The following PTPRD variants were observed in gnomAD, a reference collection of about 807,000 sequenced individuals.
PTPRD encodes receptor-type tyrosine-protein phosphatase delta.
In PTPRD, 34 loss-of-function variants were observed where a neutral mutation model predicts 214.5. The ratio of observed to expected loss-of-function variants is 0.16; its 90% CI spans 0.12 to 0.21. The LOEUF (loss-of-function observed/expected upper bound fraction) is 0.21. PTPRD is among the 10% of genes least tolerant of loss of function. The pLI is 1.00. For synonymous variants in PTPRD, 1,128 were observed against 845.7 expected (o/e 1.33, Z -5.79); for missense variants, 2,545 against 2,398.7 (o/e 1.06, Z -1.27).
chr9:9,063,157 G>C (rs926346145), intron 10 of PTPRD, among the ~76,000 whole-genome samples: 3 of 152,052 alleles, frequency 2.0e-5, no homozygotes, highest in African/African-American at 7.2e-5. Flanking sequence ...CTCTACTTCA[G>C]ACTAGCATTG....
intron 2 of PTPRD, among the ~76,000 whole-genome samples, chr9:10,371,621 C>T (rs1382156831): frequency 6.6e-6 from 1 of 151,936 alleles, no homozygotes; most frequent in Non-Finnish European, 1.5e-5. Context: ...TTCCCTTAAC[C>T]CAACTCTCCC....
intron 44 of PTPRD, among the ~76,000 whole-genome samples, chr9:8,327,830 T>C (rs1035328203): frequency 6.6e-6 from 1 of 152,188 alleles, no homozygotes; most frequent in African/African-American, 2.4e-5. Flanking sequence ...GAGACTAGGA[T>C]TGTATCCCCT....
intron 3 of PTPRD, among the ~76,000 whole-genome samples, chr9:10,314,696 G>A (rs1164163584): frequency 6.6e-6 from 1 of 151,856 alleles, no homozygotes. Flanking sequence ...ATAATCATGA[G>A]TATACATCAT....
intron 8 of PTPRD, among the ~76,000 whole-genome samples, chr9:9,439,030 G>A (rs978261798): frequency 1.3e-5 from 2 of 152,040 alleles, no homozygotes; most frequent in African/African-American, 2.4e-5. Context: ...TAATATTTCT[G>A]TGCAATGTTC....
chr9:9,381,714 GTTTTTT>G (rs34478942), intron 9 of PTPRD, among the ~76,000 whole-genome samples: 35,482 of 148,580 alleles, frequency 0.24, 4,224 homozygotes, highest in Middle Eastern at 0.38. Flanking sequence ...TTTTGTTTTT[GTTTTTT>G]TTTGTTTGTT....
chr9:10,138,643 C>G (rs770674216), intron 3 of PTPRD, among the ~76,000 whole-genome samples: 38 of 151,898 alleles, frequency 2.5e-4, no homozygotes, highest in Admixed American at 6.6e-4. Context: ...ATAGACAAAA[C>G]AATCCTTGAC....
intron 5 of PTPRD, among the ~76,000 whole-genome samples, chr9:9,931,106 T>C (rs2086332383): frequency 6.6e-6 from 1 of 152,198 alleles, no homozygotes; most frequent in South Asian, 2.1e-4. Context: ...CCTATTTTTA[T>C]GAAACAATTT....
intron 5 of PTPRD, among the ~76,000 whole-genome samples, chr9:9,804,907 TTA>T (rs973844734): frequency 5.9e-5 from 9 of 151,866 alleles, no homozygotes; most frequent in African/African-American, 2.2e-4. Flanking sequence ...TATTATAATT[TTA>T]TATGATTGTT....
At chr9:10,361,075 C>G (rs1795969468) in intron 2 of PTPRD, among the ~76,000 whole-genome samples, 1 of 152,074 alleles carries the variant, frequency 6.6e-6, no homozygotes, top group Admixed American at 6.6e-5. Flanking sequence ...GCACTCCAGC[C>G]TGGGCGACAG....
chr9:8,644,185 C>T (rs1595936445), intron 12 of PTPRD, among the ~76,000 whole-genome samples: 1 of 151,982 alleles, frequency 6.6e-6, no homozygotes, highest in South Asian at 2.1e-4. Flanking sequence ...CTGATGAGAA[C>T]TGAGGACTTG....
At chr9:10,118,254 A>G (rs187716685) in intron 3 of PTPRD, among the ~76,000 whole-genome samples, 1 of 151,570 alleles carries the variant, frequency 6.6e-6, no homozygotes, top group African/African-American at 2.4e-5. Flanking sequence ...ATTATCTTAT[A>G]TCTATCTATA....
intron 5 of PTPRD, among the ~76,000 whole-genome samples, chr9:9,922,564 G>C (rs1276020701): frequency 6.6e-6 from 1 of 151,942 alleles, no homozygotes; most frequent in Non-Finnish European, 1.5e-5. Flanking sequence ...CTGAAATAGA[G>C]ATAATGTCTA....
chr9:10,497,643 C>T (rs979827335), intron 2 of PTPRD, among the ~76,000 whole-genome samples: 2 of 151,510 alleles, frequency 1.3e-5, no homozygotes, highest in East Asian at 1.9e-4. Context: ...AATGCAATGG[C>T]GGATATGCTA....
At chr9:9,880,969 T>C (rs1004041733) in intron 5 of PTPRD, among the ~76,000 whole-genome samples, 5 of 152,156 alleles carry the variant, frequency 3.3e-5, no homozygotes, top group Non-Finnish European at 2.9e-5. Flanking sequence ...TACCAGTACC[T>C]ATGTGTAGTC....
Position 10,467,019 on chromosome 9 carries a change from T to C in PTPRD, c.-599-126002A>G, listed in dbSNP as rs368830343. ...ATATTAGAGTTCCCCGGGAACCACATAGATGATGGCAACCATCCATCAACC... is the reference window on the plus strand; with the variant it reads ...ATATTAGAGTTCCCCGGGAACCACACAGATGATGGCAACCATCCATCAACC... On this transcript the variant is annotated intron_variant, in intron 2 of 45. Coordinates refer to ENST00000381196, the MANE Select transcript of PTPRD (RefSeq NM_002839.4). Among the ~76,000 whole-genome samples the C allele has an allele frequency of 2.6e-4, 39 of 152,312 alleles. 1 individual carries two copies. The East Asian group carries it at 2.7e-3, about 11-fold the overall frequency.
intron 3 of PTPRD, among the ~76,000 whole-genome samples, chr9:10,110,752 T>C (rs1315198088): frequency 6.6e-6 from 1 of 152,174 alleles, no homozygotes; most frequent in Non-Finnish European, 1.5e-5. Flanking sequence ...AATACAGAAA[T>C]AGCTCCTGGC....
chr9:9,184,567 C>T (rs1236780393), intron 9 of PTPRD, among the ~76,000 whole-genome samples: 1 of 152,072 alleles, frequency 6.6e-6, no homozygotes, highest in Admixed American at 6.6e-5. Context: ...CTGACTAGGA[C>T]ATCTATTGGC....
chr9:10,257,487 C>A (rs1362037813), intron 3 of PTPRD, among the ~76,000 whole-genome samples: 1 of 152,140 alleles, frequency 6.6e-6, no homozygotes, highest in African/African-American at 2.4e-5. Flanking sequence ...CAGTATGCAT[C>A]ATATCCAATT....
chr9:10,065,128 T>C (rs1567443782), intron 3 of PTPRD, among the ~76,000 whole-genome samples: 2 of 45,432 alleles, frequency 4.4e-5, no homozygotes, highest in African/African-American at 9.2e-5. Flanking sequence ...TAATACTTTG[T>C]TGTGACTTGG....
Sources: gnomAD v4.1 joint callset for allele counts (sites outside exome capture counted in the v4.1 genomes callset) on GRCh38, gnomAD v4.1.1 for gene constraint, MANE v1.5 for transcripts, NCBI Gene and HGNC (gene_info 2026-07-23, HGNC 2026-07-21) for gene names.